The following HMGCS2 variants were observed in gnomAD, a reference collection of about 807,000 sequenced individuals.
The protein encoded by HMGCS2 is 3-hydroxy-3-methylglutaryl-CoA synthase 2, also known as hydroxymethylglutaryl-CoA synthase, mitochondrial.
A neutral mutation model predicts 57.4 loss-of-function variants in HMGCS2; 50 were observed. The ratio of observed to expected loss-of-function variants is 0.87; its 90% CI spans 0.69 to 1.10. HMGCS2 has a LOEUF of 1.10. Ranked by LOEUF, HMGCS2 falls within the 50% of genes least tolerant of loss-of-function variation. The probability of loss-of-function intolerance (pLI) is 0.00; values close to 1 mark genes in which losing one functional copy is unlikely to be tolerated. For missense variants in HMGCS2, 627 were observed against 636.5 expected, an observed-to-expected ratio of 0.99 and a Z score of 0.16; for synonymous variants, 254 against 245.1, an observed-to-expected ratio of 1.04 and a Z score of -0.34.
At chr1:119,766,674 C>T (rs767979283) in intron 1 of HMGCS2, among the ~76,000 whole-genome samples, 2 of 152,232 alleles carry the variant, frequency 1.3e-5, no homozygotes, top group Non-Finnish European at 2.9e-5. Context: ...GTTAAGCCAG[C>T]GCTTGTCCTG....
chr1:119,765,171 T>C (rs1653184758), intron 1 of HMGCS2, among the ~76,000 whole-genome samples: 2 of 152,178 alleles, frequency 1.3e-5, no homozygotes, highest in African/African-American at 4.8e-5. Context: ...TGCAGTGGCG[T>C]GATCTCTGCT....
At chr1:119,758,853 C>T (rs373493959) in intron 4 of HMGCS2, among the ~76,000 whole-genome samples, 22 of 152,348 alleles carry the variant, frequency 1.4e-4, no homozygotes, top group South Asian at 8.3e-4. Context: ...GCTGACATCC[C>T]TTGGTTTCAC....
chr1:119,761,870 A>C (rs1653055688), intron 2 of HMGCS2, among the ~76,000 whole-genome samples: 1 of 152,226 alleles, frequency 6.6e-6, no homozygotes, highest in Admixed American at 6.5e-5. Flanking sequence ...AGAAACGCAA[A>C]TCAAAAACAT....
chr1:119,764,573 T>C lies in HMGCS2; in HGVS notation c.158A>G (p.Asp53Gly). 1 of 1,614,212 alleles carries C rather than the reference T, an allele frequency of 6.2e-7. No individual in the cohort carries two copies. The highest frequency in any genetic ancestry group is 1.7e-5 in the Admixed American group (1 of 60,020). ...GACCTCCAGGGCCAGGATGCCCACG[T>C]CCTTTGGCCAAGTATCTGTTTTGGC... Reference protein sequence around the residue: ...PLAKTDTWPKDVGILALEVYF... With the variant: ...PLAKTDTWPKGVGILALEVYF... The change falls in exon 2 of 10, where the codon GAC becomes GGC. Residue 53 changes from aspartate (D) to glycine (G), a missense_variant. By Grantham distance (94) the Asp-to-Gly change is moderately conservative (BLOSUM62 -1). Transcript: ENST00000369406.
chr1:119,751,495 T>A (rs891906758), intron 8 of HMGCS2, among the ~76,000 whole-genome samples: 5 of 151,830 alleles, frequency 3.3e-5, no homozygotes, highest in Admixed American at 6.5e-5. Context: ...CCTGAGTAGC[T>A]GAGATTAGAG....
Position 119,750,841 on chromosome 1 carries a change from G to A in HMGCS2, c.1488C>T (p.Asp496=), listed in dbSNP as rs1189946297. The stretch of plus-strand genomic sequence containing the variant: ...GGGCATACTTTCGGCGATGCTGCTC[G>A]TCCACTCGCTCCAGGTACCAAGTAC... ...FPGTWYLERV[D]EQHRRKYARR... The change falls in exon 9 of 10, where the codon GAC becomes GAT. Residue 496 remains aspartate (D), a synonymous_variant. Transcript: ENST00000369406. The A allele has an allele frequency of 5.6e-6, 9 of 1,613,948 alleles. No individual in the cohort carries two copies. Among genetic ancestry groups the A allele is most frequent in the South Asian group, 2.2e-5 (2 of 91,066 alleles).
intron 9 of HMGCS2, among the ~76,000 whole-genome samples, chr1:119,749,291 G>A (rs1486781997): frequency 1.3e-5 from 2 of 152,066 alleles, no homozygotes; most frequent in South Asian, 2.1e-4. Context: ...TACCATGAGA[G>A]GGAGGGAGGC....
At chr1:119,755,092 C>A (rs990922935) in intron 6 of HMGCS2, among the ~76,000 whole-genome samples, 6 of 152,156 alleles carry the variant, frequency 3.9e-5, no homozygotes, top group African/African-American at 1.2e-4. Flanking sequence ...TCATGGCTCA[C>A]TGCAACCTTC....
chr1:119,767,413 G>A (rs1653270644), intron 1 of HMGCS2, among the ~76,000 whole-genome samples: 2 of 152,156 alleles, frequency 1.3e-5, no homozygotes, highest in Admixed American at 1.3e-4. Context: ...GGGGGTGACT[G>A]AACAAGTAAG....
At chr1:119,751,009 C>G (rs1652640373) in intron 8 of HMGCS2, 101 bp from the exon 9 acceptor site, 1 of 758,884 alleles carries the variant, frequency 1.3e-6, no homozygotes, top group Admixed American at 2.0e-5. Flanking sequence ...GTGAAGCTCT[C>G]TTGGCTGGGC....
Position 119,752,644 on chromosome 1 carries a change from G to C in HMGCS2, c.1325C>G (p.Thr442Arg), listed in dbSNP as rs765680777. The change falls in exon 8 of 10, where the codon ACA (threonine) becomes AGA (arginine). Residue 442 changes from threonine (T) to arginine (R), a missense_variant. Coordinates refer to ENST00000369406, the MANE Select transcript of HMGCS2 (RefSeq NM_005518.4). ...GSPLDKLVSS[T>R]SDLPKRLASR... is the part of the protein sequence containing the mutation. ...GGCTAGGCGTTTTGGCAGGTCTGATGTGCTGGACACCAACTTGTCCAGGGG... is the reference window on the plus strand; with the variant it reads ...GGCTAGGCGTTTTGGCAGGTCTGATCTGCTGGACACCAACTTGTCCAGGGG... The C allele has an allele frequency of 1.2e-6, 2 of 1,614,114 alleles. No homozygotes were observed. Among genetic ancestry groups the C allele is most frequent in the Non-Finnish European group, 1.7e-6 (2 of 1,179,974 alleles).
At position 119,749,396 on chromosome 1, in the gene HMGCS2, CCT is replaced by C. The variant is rs869265262; in HGVS notation, c.*6-557_*6-556del. 3.8e-4 allele frequency among the ~76,000 whole-genome samples: 51 copies of C among 135,014 alleles called. 1 individual carries two copies. The highest frequency in any genetic ancestry group is 1.2e-3 in the East Asian group (5 of 4,058). The allele number at this position is 135,014 out of a possible 152,430, so 88.6% of individuals were successfully genotyped here. A position where few individuals can be genotyped will look rare whatever the true frequency, so the allele number is the denominator to read the frequency against. On this transcript the variant is annotated intron_variant, in intron 9 of 9. Coordinates refer to ENST00000369406, the MANE Select transcript of HMGCS2 (RefSeq NM_005518.4). ...CCAACCTCTCTCTCTCCCTTTCCCC[CCT>C]CCCTCCCTATTTCTCCCACTCTTCT...
intron 5 of HMGCS2, 38 bp from the exon 6 acceptor site, chr1:119,755,635 G>A: frequency 6.2e-7 from 1 of 1,605,834 alleles, no homozygotes; most frequent in African/African-American, 1.3e-5. Flanking sequence ...GAGAGGCCAG[G>A]GGACGGGAGG....
rs587717007 is a variant in HMGCS2, at chr1:119,750,812, C to T, written c.1517G>A (p.Arg506His). ...DEQHRRKYARRPV is the reference protein window; with the variant it reads ...DEQHRRKYARHPV Reference sequence around the variant, plus strand: ...TCTCACTCACCACCTTTAGACGGGACGCCGGGCATACTTTCGGCGATGCTG... The same window carrying T: ...TCTCACTCACCACCTTTAGACGGGATGCCGGGCATACTTTCGGCGATGCTG... Residue 506 changes from arginine to histidine, a missense_variant, in exon 9 of 10, where the codon CGT becomes CAT. By Grantham distance (29) the Arg-to-His change is conservative. Coordinates refer to ENST00000369406, the MANE Select transcript of HMGCS2 (RefSeq NM_005518.4). 34 of 1,612,800 alleles carry T rather than the reference C, an allele frequency of 2.1e-5. No individual in the cohort carries two copies. The highest frequency in any genetic ancestry group is 1.8e-4 in the South Asian group (16 of 91,046).
chr1:119,755,241 C>T (rs1157830997), intron 6 of HMGCS2, among the ~76,000 whole-genome samples, 186 bp downstream of exon 6: 1 of 152,176 alleles, frequency 6.6e-6, no homozygotes, highest in Non-Finnish European at 1.5e-5. Context: ...CTCCTAGGTT[C>T]AGGCGATCTG....
Position 119,764,370 on chromosome 1 carries a change from A to G in HMGCS2, c.361T>C (p.Trp121Arg). The change falls in exon 2 of 10, where the codon TGG (tryptophan) becomes CGG (arginine). Residue 121 changes from tryptophan (W) to arginine (R), a missense_variant. Transcript: ENST00000369406. ...ACTTCCAGCCTGCCCACAGAGTCCC[A>G]TGGGAGCTGTATGCGCTCCATCAGC... ...QRLMERIQLP[W>R]DSVGRLEVGT... The G allele has an allele frequency of 1.2e-6, 2 of 1,614,246 alleles. No individual in the cohort carries two copies. The highest frequency in any genetic ancestry group is 1.1e-5 in the South Asian group (1 of 91,086).
At chr1:119,754,128 C>T (rs1652758774) in intron 6 of HMGCS2, among the ~76,000 whole-genome samples, 2 of 151,466 alleles carry the variant, frequency 1.3e-5, no homozygotes, top group Admixed American at 1.3e-4. Flanking sequence ...TCGATCTCAG[C>T]TCACTGCAAC....
At position 119,764,569 on chromosome 1, in the gene HMGCS2, C is replaced by T. The variant is rs911961081; in HGVS notation, c.162G>A (p.Val54=). The change falls in exon 2 of 10, where the codon GTG becomes GTA. Residue 54 remains valine (V), a synonymous_variant. Transcript: ENST00000369406. ...AGTAGACCTCCAGGGCCAGGATGCC[C>T]ACGTCCTTTGGCCAAGTATCTGTTT... The part of the protein sequence containing the change: ...LAKTDTWPKD[V]GILALEVYFP... 1 of 1,614,096 alleles carries T rather than the reference C, an allele frequency of 6.2e-7. No homozygotes were observed. The highest frequency in any genetic ancestry group is 1.3e-5 in the African/African-American group (1 of 74,936).
chr1:119,759,675 C>A (rs927233465), intron 3 of HMGCS2, among the ~76,000 whole-genome samples, 189 bp downstream of exon 3: 1 of 152,212 alleles, frequency 6.6e-6, no homozygotes, highest in South Asian at 2.1e-4. Context: ...AGAGAGGAAG[C>A]CTCGCGGATT....
Sources: gnomAD v4.1 joint callset for allele counts (sites outside exome capture counted in the v4.1 genomes callset) on GRCh38, gnomAD v4.1.1 for gene constraint, MANE v1.5 for transcripts, NCBI Gene and HGNC (gene_info 2026-07-23, HGNC 2026-07-21) for gene names.